Variants in MYBPHL observed in about 807,000 individuals in gnomAD.
MYBPHL encodes the protein myosin binding protein H like, also known as myosin-binding protein H-like.
In MYBPHL, 32 loss-of-function variants were observed where a neutral mutation model predicts 39.5. That is an observed-to-expected ratio of 0.81 (90% CI 0.61 to 1.09). The LOEUF is 1.09. MYBPHL is among the 50% of genes least tolerant of loss of function. MYBPHL has a pLI of 0.00. For missense variants in MYBPHL, 456 were observed against 460.2 expected (o/e 0.99, Z 0.08); for synonymous variants, 196 against 183.7 (o/e 1.07, Z -0.54).
In MYBPHL at chr1:109,295,191, G is replaced by A; in HGVS notation, c.974C>T (p.Pro325Leu). Reference sequence around the variant, plus strand: ...GCAGGTATAGATGCCTCCATCAAAGGGACCCGGCTTGCGGATCTCTAGGGA... The same window carrying A: ...GCAGGTATAGATGCCTCCATCAAAGAGACCCGGCTTGCGGATCTCTAGGGA... ...ICSLEIRKPG[P>L]FDGGIYTCKA... Residue 325 changes from proline (P) to leucine (L), a missense_variant, in exon 7 of 9, where the codon CCC (proline) becomes CTC (leucine). Coordinates refer to ENST00000357155, the MANE Select transcript of MYBPHL (RefSeq NM_001010985.3). The A allele has an allele frequency of 6.2e-7, 1 of 1,614,122 alleles. No homozygotes were observed. The highest frequency in any genetic ancestry group is 8.5e-7 in the Non-Finnish European group (1 of 1,180,034).
Position 109,297,509 on chromosome 1 carries a change from C to G in MYBPHL, c.343G>C (p.Ala115Pro), listed in dbSNP as rs1410285152. The G allele has an allele frequency of 6.2e-7, 1 of 1,613,838 alleles. No homozygotes were observed. Among genetic ancestry groups the G allele is most frequent in the Non-Finnish European group, 8.5e-7 (1 of 1,180,042 alleles). ...EQDSILFIRE[A>P]QRADSGRYQL... The stretch of plus-strand genomic sequence containing the variant: ...TAGCGACCTGAGTCAGCACGTTGGG[C>G]TTCTCGGATGAAGAGGATGGAGTCT... Residue 115 changes from alanine to proline, a missense_variant, in exon 3 of 9, where the codon GCC becomes CCC. Coordinates refer to ENST00000357155, the MANE Select transcript of MYBPHL (RefSeq NM_001010985.3).
chr1:109,293,140 C>T (rs926623309), intron 8 of MYBPHL: 4 of 152,092 alleles, frequency 2.6e-5, no homozygotes, highest in East Asian at 1.9e-4. Flanking sequence ...GATCCTGAGG[C>T]GTTTACTCAG....
At chr1:109,295,034 C>T in intron 7 of MYBPHL, 77 bp downstream of exon 7, 1 of 1,501,414 alleles carries the variant, frequency 6.7e-7, no homozygotes, top group South Asian at 1.2e-5. Context: ...GCTTGCGTCT[C>T]TGTTCCCTGA....
At chr1:109,302,162 G>A (rs1415008482) in intron 1 of MYBPHL, among the ~76,000 whole-genome samples, 1 of 152,066 alleles carries the variant, frequency 6.6e-6, no homozygotes, top group East Asian at 1.9e-4. Context: ...GTATGAGAGT[G>A]TGTGTGTGAG....
chr1:109,302,217 G>T (rs571535908), intron 1 of MYBPHL, among the ~76,000 whole-genome samples: 1 of 152,178 alleles, frequency 6.6e-6, no homozygotes, highest in South Asian at 2.1e-4. Context: ...TGGGTGAAGG[G>T]TTACCAAAAG....
chr1:109,296,250 A>T lies in MYBPHL; in HGVS notation c.851T>A (p.Val284Asp). Residue 284 changes from valine (V) to aspartate (D), a missense_variant, in exon 6 of 9, where the codon GTC becomes GAC. Coordinates refer to ENST00000357155, the MANE Select transcript of MYBPHL (RefSeq NM_001010985.3). ...TGYNTQLFCCVRASPRPKIIW... is the reference protein window; with the variant it reads ...TGYNTQLFCCDRASPRPKIIW... ...CCCACTCACCCGGGGAGAGGCGCGG[A>T]CACAGCAGAAGAGCTGGGTATTATA... is the stretch of plus-strand genomic sequence containing the variant. 6.2e-7 allele frequency: 1 copy of T among 1,613,786 alleles called. No homozygotes were observed. Among genetic ancestry groups the T allele is most frequent in the Non-Finnish European group, 8.5e-7 (1 of 1,179,968 alleles).
In MYBPHL at chr1:109,297,461, C is replaced by A; in HGVS notation, c.391G>T (p.Gly131Trp). 1.2e-6 allele frequency: 2 copies of A among 1,613,214 alleles called. No homozygotes were observed. The highest frequency in any genetic ancestry group is 1.7e-6 in the Non-Finnish European group (2 of 1,179,986). Residue 131 changes from glycine to tryptophan, a missense_variant, in exon 3 of 9, where the codon GGG becomes TGG. Transcript: ENST00000357155. ...TCAATGGTGGCGGTGGCCTCCAGCC[C>A]ACCCAGCTGCACGCGGAGTTGGTAG... ...GRYQLRVQLG[G>W]LEATATIDIL...
chr1:109,303,782 T>G (rs937815359), intron 1 of MYBPHL, among the ~76,000 whole-genome samples: 1 of 152,144 alleles, frequency 6.6e-6, no homozygotes, highest in Non-Finnish European at 1.5e-5. Flanking sequence ...TGGCTGGCTG[T>G]CTCGTAGACA....
At chr1:109,293,670 G>A (rs1439130512) in intron 8 of MYBPHL, among the ~76,000 whole-genome samples, 1 of 152,008 alleles carries the variant, frequency 6.6e-6, no homozygotes, top group Non-Finnish European at 1.5e-5. Flanking sequence ...AACCCGGCAG[G>A]CAGAGCTTGC....
chr1:109,294,849 T>C (rs1489699165), intron 7 of MYBPHL, among the ~76,000 whole-genome samples: 1 of 152,182 alleles, frequency 6.6e-6, no homozygotes, highest in Non-Finnish European at 1.5e-5. Context: ...GGCAAACCAG[T>C]TCCCTCCCTG....
In MYBPHL at chr1:109,293,472, A is replaced by G. The variant is rs1025505107; in HGVS notation, c.*33+734T>C. 2.2e-4 allele frequency among the ~76,000 whole-genome samples: 34 copies of G among 152,134 alleles called. 1 individual carries two copies. Among genetic ancestry groups the G allele is most frequent in the Non-Finnish European group, 2.9e-5 (2 of 68,030 alleles). On this transcript the variant is annotated intron_variant, in intron 8 of 8. Coordinates refer to ENST00000357155, the MANE Select transcript of MYBPHL (RefSeq NM_001010985.3). ...AAAATGGTTACAACAGGCTGGGCGC[A>G]GTGGCTCACGCCTGTAATCCCAGCA...
Position 109,304,056 on chromosome 1 carries a change from C to T in MYBPHL, c.145+2791G>A, listed in dbSNP as rs567259713. On this transcript the variant is annotated intron_variant, in intron 1 of 8. Coordinates refer to ENST00000357155, the MANE Select transcript of MYBPHL (RefSeq NM_001010985.3). ...CCATTTGAAGCAGGAAGCCTGCATGCTTCCTACCCGAAGCACGTTCTATCC... is the reference window on the plus strand; with the variant it reads ...CCATTTGAAGCAGGAAGCCTGCATGTTTCCTACCCGAAGCACGTTCTATCC... 2.2e-4 allele frequency among the ~76,000 whole-genome samples: 34 copies of T among 152,356 alleles called. 1 individual carries two copies. In the South Asian group the frequency reaches 6.0e-3, roughly 27 times the overall value.
chr1:109,301,638 G>T (rs1472308608), intron 1 of MYBPHL, among the ~76,000 whole-genome samples: 1 of 152,042 alleles, frequency 6.6e-6, no homozygotes, highest in African/African-American at 2.4e-5. Context: ...CTACTTGGGA[G>T]GCTGAGGCAG....
chr1:109,298,372 CT>C, intron 1 of MYBPHL, 115 bp from the exon 2 acceptor site: 1 of 866,196 alleles, frequency 1.2e-6, no homozygotes, highest in Non-Finnish European at 1.8e-6. Context: ...TTAAGCCCTT[CT>C]TAGAGGGGAG....
Position 109,295,261 on chromosome 1 carries a change from G to A in MYBPHL, c.904C>T (p.Gln302Ter), listed in dbSNP as rs1658020667. The A allele has an allele frequency of 6.2e-7, 1 of 1,613,954 alleles. No individual in the cohort carries two copies. The highest frequency in any genetic ancestry group is 1.1e-5 in the South Asian group (1 of 91,086). ...AGGGCTCTGTACTTAGGGTTGCCTT[G>A]GATATCCATCTTGTTCTTCAGCCAG... ...IIWLKNKMDI[Q>*]GNPKYRALTH... The change falls in exon 7 of 9, where the codon CAA becomes TAA. Residue 302 changes from glutamine to a stop codon, truncating the protein, a stop_gained. Coordinates refer to ENST00000357155, the MANE Select transcript of MYBPHL (RefSeq NM_001010985.3). LOFTEE classifies it high-confidence loss of function.
chr1:109,296,894 AGAC>A lies in MYBPHL; in HGVS notation c.616_618del (p.Val206del), dbSNP rs772809359. 1 of 1,614,126 alleles carries A rather than the reference AGAC, an allele frequency of 6.2e-7. No homozygotes were observed. The highest frequency in any genetic ancestry group is 1.1e-5 in the South Asian group (1 of 91,082). On this transcript the variant is annotated inframe_deletion, in exon 5 of 9. Transcript: ENST00000357155. ...TAGGAGTTGCCGATGATGAGGTCAG[AGAC>A]GATGCAGCTGGTGCGGTGATAGTGC...
intron 8 of MYBPHL, chr1:109,293,145 AC>A: frequency 6.6e-6 from 1 of 152,274 alleles, no homozygotes; most frequent in South Asian, 2.1e-4. Flanking sequence ...TGAGGCGTTT[AC>A]TCAGTCAGCA....
chr1:109,296,094 CT>C, intron 6 of MYBPHL, 139 bp downstream of exon 6: 2 of 1,067,160 alleles, frequency 1.9e-6, no homozygotes, highest in Non-Finnish European at 2.7e-6. Flanking sequence ...CCGACTGTTC[CT>C]AAATACCGTG....
At chr1:109,299,137 C>T (rs1420432896) in intron 1 of MYBPHL, among the ~76,000 whole-genome samples, 8 of 152,202 alleles carry the variant, frequency 5.3e-5, no homozygotes, top group South Asian at 2.1e-4. Context: ...CTGGCTGAGA[C>T]AGACACCATT....
Sources: gnomAD v4.1 joint callset for allele counts (sites outside exome capture counted in the v4.1 genomes callset) on GRCh38, gnomAD v4.1.1 for gene constraint, MANE v1.5 for transcripts, NCBI Gene and HGNC (gene_info 2026-07-23, HGNC 2026-07-21) for gene names.